The following ZNF236 variants were observed in gnomAD, a reference collection of about 807,000 sequenced individuals.
ZNF236 encodes zinc finger protein 236.
ZNF236 carries 50 observed loss-of-function variants against 191.2 expected under a neutral mutation model. That is an observed-to-expected ratio of 0.26 (90% CI 0.21 to 0.33). ZNF236 has a LOEUF of 0.33. Ranked by LOEUF, ZNF236 falls within the 10% of genes least tolerant of loss-of-function variation. ZNF236 has a pLI of 1.00. For synonymous variants in ZNF236, 907 were observed against 928.8 expected (o/e 0.98, Z 0.43); for missense variants, 1,754 against 2,374.5 (o/e 0.74, Z 5.43).
At chr18:76,962,467 G>A (rs979412828) in intron 30 of ZNF236, among the ~76,000 whole-genome samples, 1 of 152,158 alleles carries the variant, frequency 6.6e-6, no homozygotes, top group Admixed American at 6.5e-5. Flanking sequence ...TGACCTTATA[G>A]TATAGTTTGA....
intron 9 of ZNF236, among the ~76,000 whole-genome samples, chr18:76,892,677 C>T (rs1977285017): frequency 6.6e-6 from 1 of 152,184 alleles, no homozygotes; most frequent in South Asian, 2.1e-4. Context: ...AAGTGATTCT[C>T]CTGCCTCAGC....
Position 76,878,160 on chromosome 18 carries a change from T to C in ZNF236, c.984+8T>C. 6.3e-7 allele frequency: 1 copy of C among 1,599,226 alleles called. No homozygotes were observed. The highest frequency in any genetic ancestry group is 1.1e-5 in the South Asian group (1 of 88,628). On this transcript the variant is annotated splice_region_variant and intron_variant, in intron 7 of 30. Transcript: ENST00000320610. The stretch of plus-strand genomic sequence containing the variant: ...ACTGCTCATGTTTTAACGGTAAGTT[T>C]AGTAATTTGGAAGAACTTCTTTTTA...
chr18:76,972,085 C>G lies in ZNF236; in HGVS notation c.*3746C>G, dbSNP rs536549313. Among the ~76,000 whole-genome samples, 91 of 152,326 alleles carry G rather than the reference C, an allele frequency of 6.0e-4. 1 individual carries two copies. Among genetic ancestry groups the G allele is most frequent in the Non-Finnish European group, 9.0e-4 (61 of 68,024 alleles). The stretch of plus-strand genomic sequence containing the variant: ...TTTTGTGTCACTTAATCTGTGTTCA[C>G]GTAACTTAGGCACTTTGGATTTTTT... On this transcript the variant is annotated 3_prime_UTR_variant, in exon 31 of 31. Transcript: ENST00000320610.
chr18:76,952,994 T>A (rs1174762094), intron 27 of ZNF236, among the ~76,000 whole-genome samples: 1 of 152,158 alleles, frequency 6.6e-6, no homozygotes, highest in East Asian at 1.9e-4. Flanking sequence ...TGGGGCTCAC[T>A]TCGCTCTCTG....
intron 19 of ZNF236, among the ~76,000 whole-genome samples, chr18:76,917,749 CAG>C (rs968080230): frequency 6.6e-6 from 1 of 152,196 alleles, no homozygotes; most frequent in African/African-American, 2.4e-5. Flanking sequence ...AGAATGTTAA[CAG>C]AGTTACCTCC....
intron 3 of ZNF236, among the ~76,000 whole-genome samples, chr18:76,852,914 T>A (rs1568195924): frequency 6.6e-6 from 1 of 152,194 alleles, no homozygotes; most frequent in Non-Finnish European, 1.5e-5. Context: ...TTACTTCTCT[T>A]GTGATGTTAG....
At chr18:76,894,489 A>C (rs1404283630) in intron 9 of ZNF236, among the ~76,000 whole-genome samples, 1 of 152,248 alleles carries the variant, frequency 6.6e-6, no homozygotes, top group African/African-American at 2.4e-5. Flanking sequence ...TTCAAAATTG[A>C]GTAATAATAT....
At chr18:76,837,145 G>A (rs1372529842) in intron 1 of ZNF236, among the ~76,000 whole-genome samples, 1 of 28,944 alleles carries the variant, frequency 3.5e-5, no homozygotes, top group Non-Finnish European at 8.6e-5. Context: ...CCCCCGCCCC[G>A]CAAGCCTCCC....
At chr18:76,958,685 G>A (rs933926228) in intron 28 of ZNF236, among the ~76,000 whole-genome samples, 1 of 152,178 alleles carries the variant, frequency 6.6e-6, no homozygotes, top group African/African-American at 2.4e-5. Context: ...ATGGTGATTG[G>A]TGTCATCAGG....
intron 21 of ZNF236, 92 bp downstream of exon 21, chr18:76,923,266 C>A (rs1187604815): frequency 1.2e-6 from 1 of 851,606 alleles, no homozygotes; most frequent in Non-Finnish European, 1.8e-6. Flanking sequence ...TAAATACTTT[C>A]CAAATTATAG....
Position 76,881,353 on chromosome 18 carries a change from A to C in ZNF236, c.1258A>C (p.Lys420Gln). 4 of 1,614,192 alleles carry C rather than the reference A, an allele frequency of 2.5e-6. No homozygotes were observed. The highest frequency in any genetic ancestry group is 3.4e-6 in the Non-Finnish European group (4 of 1,180,026). Residue 420 changes from lysine to glutamine, a missense_variant, in exon 9 of 31, where the codon AAG (lysine) becomes CAG (glutamine). Physicochemically the swap from Lys to Gln is moderately conservative, Grantham distance 53. Transcript: ENST00000320610. ...AAHPNDSCHA[K>Q]TSAPHAQNPD... ...ACATCCTAATGACTCCTGCCATGCCAAGACCTCTGCACCACACGCTCAAAA... is the reference window on the plus strand; with the variant it reads ...ACATCCTAATGACTCCTGCCATGCCCAGACCTCTGCACCACACGCTCAAAA...
intron 9 of ZNF236, among the ~76,000 whole-genome samples, chr18:76,893,968 T>C (rs187607308): frequency 1.3e-5 from 2 of 152,370 alleles, no homozygotes; most frequent in Admixed American, 1.3e-4. Flanking sequence ...CTAAGAAAAC[T>C]ATGTTGGTAC....
chr18:76,951,937 T>C (rs950985352), intron 27 of ZNF236, among the ~76,000 whole-genome samples: 21 of 152,326 alleles, frequency 1.4e-4, no homozygotes, highest in African/African-American at 4.8e-4. Flanking sequence ...GGATGGCCAG[T>C]TGGTGAAGCA....
intron 9 of ZNF236, among the ~76,000 whole-genome samples, chr18:76,883,470 C>CTAGAGT (rs954146165): frequency 2.0e-5 from 3 of 148,946 alleles, no homozygotes; most frequent in African/African-American, 7.5e-5. Context: ...GTTGTCCAGG[C>CTAGAGT]TAGAGTACAG....
chr18:76,890,894 C>G (rs1217176483), intron 9 of ZNF236, among the ~76,000 whole-genome samples: 2 of 152,094 alleles, frequency 1.3e-5, no homozygotes, highest in Non-Finnish European at 2.9e-5. Context: ...AGCAAGACCC[C>G]CGACTTCCTC....
In ZNF236 at chr18:76,939,959, C is replaced by T. The variant is rs1262040433; in HGVS notation, c.4782+2616C>T. Among the ~76,000 whole-genome samples, 111 of 141,720 alleles carry T rather than the reference C, an allele frequency of 7.8e-4. 2 individuals carry two copies. The highest frequency in any genetic ancestry group is 2.8e-3 in the African/African-American group (106 of 37,234). The allele number at this position is 141,720 out of a possible 152,430, so 93.0% of individuals were successfully genotyped here. ...GCACTGCATTTGGGAACATGGTGGG[C>T]CACCCTAGCACTGCATTTGGGAACA... On this transcript the variant is annotated intron_variant, in intron 26 of 30. Transcript: ENST00000320610.
At chr18:76,926,921 A>G (rs1238811168) in intron 22 of ZNF236, 116 bp from the exon 23 acceptor site, 1 of 1,222,584 alleles carries the variant, frequency 8.2e-7, no homozygotes, top group African/African-American at 1.5e-5. Context: ...ACAACATTGT[A>G]TTGACATAAT....
rs1976721767 is a variant in ZNF236 at position 76,876,561 on chromosome 18, C to T, written c.840+897C>T. Among the ~76,000 whole-genome samples, 3 of 152,126 alleles carry T rather than the reference C, an allele frequency of 2.0e-5. No individual in the cohort carries two copies. The South Asian group carries it at 6.2e-4, about 31-fold the overall frequency. Reference sequence around the variant, plus strand: ...AAGAGAATCTAAAATGAGAAAAAAACCCTGCACATCTCACGTAGTTTTATG... The same window carrying T: ...AAGAGAATCTAAAATGAGAAAAAAATCCTGCACATCTCACGTAGTTTTATG... On this transcript the variant is annotated intron_variant, in intron 6 of 30. Transcript: ENST00000320610.
chr18:76,855,188 T>C (rs1976007775), intron 3 of ZNF236, among the ~76,000 whole-genome samples: 1 of 152,186 alleles, frequency 6.6e-6, no homozygotes, highest in Admixed American at 6.5e-5. Flanking sequence ...CCTCCCAGAG[T>C]GCTGGGATTA....
Sources: allele counts gnomAD v4.1 joint callset (sites outside exome capture counted in the v4.1 genomes callset), GRCh38; gene constraint gnomAD v4.1.1; transcripts MANE v1.5; gene names NCBI Gene and HGNC (gene_info 2026-07-23, HGNC 2026-07-21).